Variants in SLC15A2 observed in about 807,000 individuals in gnomAD.
The protein encoded by SLC15A2 is kidney H(+)/peptide cotransporter.
Under a neutral mutation model 95.5 loss-of-function variants are expected in SLC15A2, and 77 were observed. The observed-to-expected ratio is 0.81, with a 90% CI of 0.67 to 0.97. The LOEUF (loss-of-function observed/expected upper bound fraction) is 0.97, where lower values mean the gene tolerates loss of function less well. SLC15A2 is among the 50% of genes least tolerant of loss of function. The pLI is 0.00. For synonymous variants in SLC15A2, 306 were observed against 306.9 expected (o/e 1.00, Z 0.03); for missense variants, 893 against 874.4 (o/e 1.02, Z -0.27).
Position 121,894,564 on chromosome 3 carries a change from C to T in SLC15A2, c.88C>T (p.Pro30Ser). ...GGTACCACCTCGACCACCTAGCCCT[C>T]CAAAGAAGCCATCTCCGGTGAGTCC... ...EEVPPRPPSP[P>S]KKPSPTICGS... The change falls in exon 1 of 22, where the codon CCA becomes TCA. Residue 30 changes from proline to serine, a missense_variant. By Grantham distance (74) the Pro-to-Ser change is moderately conservative. Coordinates refer to ENST00000489711, the MANE Select transcript of SLC15A2 (RefSeq NM_021082.4). 1 of 1,613,840 alleles carries T rather than the reference C, an allele frequency of 6.2e-7. No individual in the cohort carries two copies. Among genetic ancestry groups the T allele is most frequent in the Non-Finnish European group, 8.5e-7 (1 of 1,179,802 alleles).
At chr3:121,906,933 C>T (rs1458834735) in intron 3 of SLC15A2, among the ~76,000 whole-genome samples, 1 of 152,182 alleles carries the variant, frequency 6.6e-6, no homozygotes, top group Non-Finnish European at 1.5e-5. Context: ...TGGATAATAT[C>T]TTGAAGAGTG....
intron 3 of SLC15A2, among the ~76,000 whole-genome samples, chr3:121,908,296 C>T (rs949418870): frequency 3.9e-5 from 6 of 152,184 alleles, no homozygotes; most frequent in Non-Finnish European, 7.3e-5. Context: ...TCACGGCTTC[C>T]CTTGGCTAGG....
chr3:121,932,542 G>A (rs1710253309), intron 19 of SLC15A2, among the ~76,000 whole-genome samples: 1 of 152,058 alleles, frequency 6.6e-6, no homozygotes, highest in African/African-American at 2.4e-5. Context: ...AAAAACAATT[G>A]TCCTAGCAGT....
chr3:121,942,888 T>C lies in SLC15A2; in HGVS notation c.*1881T>C, dbSNP rs1413942577. The C allele has an allele frequency of 1.3e-5, 2 of 152,236 alleles. No homozygotes were observed. The highest frequency in any genetic ancestry group is 4.8e-5 in the African/African-American group (2 of 41,466). The allele number at this position is 152,236 out of a possible 1,614,324, so 9.4% of individuals were successfully genotyped here. A position where few individuals can be genotyped will look rare whatever the true frequency, so the allele number is the denominator to read the frequency against. On this transcript the variant is annotated 3_prime_UTR_variant, in exon 22 of 22. Coordinates refer to ENST00000489711, the MANE Select transcript of SLC15A2 (RefSeq NM_021082.4). ...AGAACATTGGTTTGGAAAAAACTGTTGAGCAGTTCTTCCTTGTAAGTGCTG... is the reference window on the plus strand; with the variant it reads ...AGAACATTGGTTTGGAAAAAACTGTCGAGCAGTTCTTCCTTGTAAGTGCTG...
chr3:121,930,537 A>C (rs1040599739), intron 17 of SLC15A2, among the ~76,000 whole-genome samples: 3 of 152,226 alleles, frequency 2.0e-5, no homozygotes, highest in Non-Finnish European at 4.4e-5. Context: ...TGGATTAGTG[A>C]GGAAACTCAG....
At position 121,896,391 on chromosome 3, in the gene SLC15A2, C is replaced by A; in HGVS notation, c.106-15C>A. 6.2e-7 allele frequency: 1 copy of A among 1,601,682 alleles called. No homozygotes were observed. The highest frequency in any genetic ancestry group is 8.6e-7 in the Non-Finnish European group (1 of 1,168,754). Reference sequence around the variant, plus strand: ...AAACAGCTCATGCTTGAATCATTGCCTTCTTGTTGAATAGACAATCTGTGG... The same window carrying A: ...AAACAGCTCATGCTTGAATCATTGCATTCTTGTTGAATAGACAATCTGTGG... On this transcript the variant is annotated splice_polypyrimidine_tract_variant and intron_variant, in intron 1 of 21. Transcript: ENST00000489711.
rs1709558156 is a variant in SLC15A2, at chr3:121,903,365, T to C, written c.335+5836T>C. On this transcript the variant is annotated intron_variant, in intron 3 of 21. Coordinates refer to ENST00000489711, the MANE Select transcript of SLC15A2 (RefSeq NM_021082.4). The stretch of plus-strand genomic sequence containing the variant: ...AGCTCTTTAATTTAATTAGATCCCA[T>C]TTGTCAATTTTGGCTTTGGTTGCCA... Among the ~76,000 whole-genome samples the C allele has an allele frequency of 2.0e-5, 3 of 152,228 alleles. No individual in the cohort carries two copies. In the South Asian group the frequency reaches 6.2e-4, roughly 32 times the overall value.
chr3:121,918,763 A>C (rs1024855074), intron 7 of SLC15A2, among the ~76,000 whole-genome samples: 7 of 152,220 alleles, frequency 4.6e-5, no homozygotes, highest in Non-Finnish European at 7.3e-5. Flanking sequence ...GATTAAGATA[A>C]GGGTGACAGA....
At chr3:121,922,722 G>A (rs1710030369) in intron 8 of SLC15A2, 53 bp from the exon 9 acceptor site, 4 of 1,337,834 alleles carry the variant, frequency 3.0e-6, no homozygotes, top group Non-Finnish European at 4.2e-6. Context: ...GTTGGAAAAG[G>A]CAGAGGATGT....
At chr3:121,928,267 C>G in intron 14 of SLC15A2, 154 bp from the exon 15 acceptor site, 2 of 877,564 alleles carry the variant, frequency 2.3e-6, no homozygotes, top group Non-Finnish European at 3.4e-6. Flanking sequence ...TCCAAGCTGC[C>G]TTTAGAGTTT....
intron 19 of SLC15A2, among the ~76,000 whole-genome samples, chr3:121,932,914 C>T (rs771595782): frequency 3.3e-5 from 5 of 152,222 alleles, no homozygotes; most frequent in Admixed American, 2.6e-4. Flanking sequence ...CTCCCCCCTC[C>T]GCGCACCCCA....
intron 19 of SLC15A2, among the ~76,000 whole-genome samples, chr3:121,933,886 A>C (rs1208896633): frequency 1.3e-5 from 2 of 149,072 alleles, no homozygotes; most frequent in African/African-American, 4.9e-5. Flanking sequence ...TAGGGTTTTT[A>C]TGGTTTTAGG....
rs375031895 is a variant in SLC15A2 at position 121,897,202 on chromosome 3, C to T, written c.194-186C>T. 6.1e-4 allele frequency among the ~76,000 whole-genome samples: 93 copies of T among 152,094 alleles called. 1 individual carries two copies. In the South Asian group the frequency reaches 0.018, roughly 29 times the overall value. On this transcript the variant is annotated intron_variant, in intron 2 of 21. Coordinates refer to ENST00000489711, the MANE Select transcript of SLC15A2 (RefSeq NM_021082.4). Reference sequence around the variant, plus strand: ...TACATTCAACATAGTCCCATTCACTCCCACAACTCCCATGGGGCCCTGCTT... The same window carrying T: ...TACATTCAACATAGTCCCATTCACTTCCACAACTCCCATGGGGCCCTGCTT...
chr3:121,903,946 G>A (rs1709575786), intron 3 of SLC15A2, among the ~76,000 whole-genome samples: 1 of 152,162 alleles, frequency 6.6e-6, no homozygotes, highest in African/African-American at 2.4e-5. Context: ...TGGGCAGTAT[G>A]GCCATTTTCA....
In SLC15A2 at chr3:121,936,241, G is replaced by C. The variant is rs1271932613; in HGVS notation, c.1762-3108G>C. Among the ~76,000 whole-genome samples, 6 of 152,170 alleles carry C rather than the reference G, an allele frequency of 3.9e-5. No individual in the cohort carries two copies. The South Asian group carries it at 1.0e-3, about 26-fold the overall frequency. The stretch of plus-strand genomic sequence containing the variant: ...TGGTGCTGAAAAAAATGTACATTCT[G>C]TTGATTTGGGGTGGAGAGTTCTGTA... On this transcript the variant is annotated intron_variant, in intron 19 of 21. Coordinates refer to ENST00000489711, the MANE Select transcript of SLC15A2 (RefSeq NM_021082.4).
At chr3:121,936,422 G>C (rs1051842962) in intron 19 of SLC15A2, among the ~76,000 whole-genome samples, 1 of 152,238 alleles carries the variant, frequency 6.6e-6, no homozygotes, top group East Asian at 1.9e-4. Flanking sequence ...GGGTCACTGA[G>C]GACTTGCTTT....
In SLC15A2 at chr3:121,941,059, T is replaced by C. The variant is rs761079256; in HGVS notation, c.*52T>C. The stretch of plus-strand genomic sequence containing the variant: ...CAATTCCTGGCCCTGTCTTGAAGCA[T>C]TTTTTTTCTTCTACTGGATTAGACA... On this transcript the variant is annotated 3_prime_UTR_variant, in exon 22 of 22. Transcript: ENST00000489711. 1 of 1,498,622 alleles carries C rather than the reference T, an allele frequency of 6.7e-7. No individual in the cohort carries two copies. The highest frequency in any genetic ancestry group is 2.3e-5 in the East Asian group (1 of 43,538). The allele number at this position is 1,498,622 out of a possible 1,614,324, so 92.8% of individuals were successfully genotyped here.
chr3:121,929,020 A>G lies in SLC15A2; in HGVS notation c.1380A>G (p.Lys460=). 1 of 1,614,112 alleles carries G rather than the reference A, an allele frequency of 6.2e-7. No homozygotes were observed. ...ATTCCAAACTGCACCTGAAAACAAA[A>G]AGCCAGGATTTTCACTTCCACCTGA... ...PHYSKLHLKT[K]SQDFHFHLKY... is the part of the protein sequence containing the mutation. The change falls in exon 16 of 22, where the codon AAA becomes AAG. Residue 460 remains lysine, a synonymous_variant. Coordinates refer to ENST00000489711, the MANE Select transcript of SLC15A2 (RefSeq NM_021082.4).
At chr3:121,900,721 C>T (rs1423824768) in intron 3 of SLC15A2, among the ~76,000 whole-genome samples, 1 of 152,046 alleles carries the variant, frequency 6.6e-6, no homozygotes, top group East Asian at 1.9e-4. Context: ...CATGTCCAAA[C>T]CCCGTAAGGC....
Sources: gnomAD v4.1 joint callset for allele counts (sites outside exome capture counted in the v4.1 genomes callset) on GRCh38, gnomAD v4.1.1 for gene constraint, MANE v1.5 for transcripts, NCBI Gene and HGNC (gene_info 2026-07-23, HGNC 2026-07-21) for gene names.